The following PDCD1LG2 variants were observed in gnomAD, a reference collection of about 807,000 sequenced individuals.
The protein encoded by PDCD1LG2 is programmed cell death 1 ligand 2.
PDCD1LG2 carries 32 observed loss-of-function variants against 28.2 expected under a neutral mutation model. That is an observed-to-expected ratio of 1.13 (90% CI 0.86 to 1.52). The LOEUF (loss-of-function observed/expected upper bound fraction) is 1.52. Ranked by LOEUF, PDCD1LG2 falls within the 40% of genes most tolerant of loss-of-function variation. The pLI, the probability that PDCD1LG2 is intolerant of heterozygous loss-of-function variation, is 0.00. For missense variants in PDCD1LG2, 385 were observed against 323.8 expected (o/e 1.19, Z -1.45); for synonymous variants, 116 against 120.2 (o/e 0.97, Z 0.23).
intron 3 of PDCD1LG2, among the ~76,000 whole-genome samples, chr9:5,536,563 C>T (rs962012083): frequency 6.6e-6 from 1 of 152,174 alleles, no homozygotes; most frequent in African/African-American, 2.4e-5. Flanking sequence ...TATCTGCAAC[C>T]CTAAATCACC....
intron 3 of PDCD1LG2, among the ~76,000 whole-genome samples, chr9:5,537,897 A>C (rs1795318539): frequency 1.3e-5 from 2 of 152,246 alleles, no homozygotes; most frequent in African/African-American, 4.8e-5. Context: ...TTAGATCTTA[A>C]TGCAGAACAC....
At chr9:5,529,896 A>G (rs1820449349) in intron 2 of PDCD1LG2, among the ~76,000 whole-genome samples, 1 of 152,234 alleles carries the variant, frequency 6.6e-6, no homozygotes, top group Admixed American at 6.5e-5. Flanking sequence ...TGAGCAGAGC[A>G]TGAGTCAGGT....
At position 5,516,753 on chromosome 9, in the gene PDCD1LG2, C is replaced by T. The variant is rs573485087; in HGVS notation, c.-14-5780C>T. Among the ~76,000 whole-genome samples the T allele has an allele frequency of 5.1e-4, 78 of 152,370 alleles. 1 individual carries two copies. Among genetic ancestry groups the T allele is most frequent in the Non-Finnish European group, 8.5e-4 (58 of 68,036 alleles). ...AGTACCATCCTGAGCACCCACATGC[C>T]TGGCCGGGTTGTGACAGCACCTAGG... On this transcript the variant is annotated intron_variant, in intron 1 of 6. Coordinates refer to ENST00000397747, the MANE Select transcript of PDCD1LG2 (RefSeq NM_025239.4).
At chr9:5,546,052 G>A (rs1312097873) in intron 3 of PDCD1LG2, among the ~76,000 whole-genome samples, 1 of 152,104 alleles carries the variant, frequency 6.6e-6, no homozygotes, top group African/African-American at 2.4e-5. Context: ...AGAGGCTGTG[G>A]AGACATTTCT....
chr9:5,530,433 T>C (rs1180554726), intron 2 of PDCD1LG2, among the ~76,000 whole-genome samples: 2 of 150,228 alleles, frequency 1.3e-5, no homozygotes, highest in Non-Finnish European at 2.9e-5. Context: ...CCATGTGGCA[T>C]GTAAAGTAGA....
At chr9:5,559,104 G>C (rs754739075) in intron 5 of PDCD1LG2, among the ~76,000 whole-genome samples, 1 of 152,154 alleles carries the variant, frequency 6.6e-6, no homozygotes. Flanking sequence ...CGTTCCAGCT[G>C]TCTTTGGGAG....
At chr9:5,548,350 G>A (rs1020467865) in intron 3 of PDCD1LG2, among the ~76,000 whole-genome samples, 4 of 152,194 alleles carry the variant, frequency 2.6e-5, no homozygotes, top group African/African-American at 9.7e-5. Context: ...TCTAAGGGCT[G>A]TAAGTATTCC....
intron 6 of PDCD1LG2, among the ~76,000 whole-genome samples, chr9:5,563,887 G>A (rs1380162575): frequency 6.6e-6 from 1 of 152,198 alleles, no homozygotes; most frequent in Non-Finnish European, 1.5e-5. Flanking sequence ...TCAACTGATT[G>A]AATGAAGCCA....
Position 5,549,388 on chromosome 9 carries a change from G to A in PDCD1LG2, c.415G>A (p.Val139Ile), listed in dbSNP as rs2129874493. 6.2e-7 allele frequency: 1 copy of A among 1,614,092 alleles called. No homozygotes were observed. The highest frequency in any genetic ancestry group is 1.7e-5 in the Admixed American group (1 of 60,028). ...HILKVPETDE[V>I]ELTCQATGYP... ...CCTAAAGGTTCCAGAAACAGATGAG[G>A]TAGAGCTCACCTGCCAGGCTACAGG... The change falls in exon 4 of 7, where the codon GTA becomes ATA. Residue 139 changes from valine to isoleucine, a missense_variant. By Grantham distance (29) the Val-to-Ile change is conservative. Transcript: ENST00000397747.
At chr9:5,559,342 T>G (rs895723494) in intron 5 of PDCD1LG2, among the ~76,000 whole-genome samples, 1 of 152,262 alleles carries the variant, frequency 6.6e-6, no homozygotes, top group African/African-American at 2.4e-5. Flanking sequence ...TGGTTGCCTA[T>G]ATAACCCTTG....
chr9:5,559,110 G>C (rs185659197), intron 5 of PDCD1LG2, among the ~76,000 whole-genome samples: 40 of 152,246 alleles, frequency 2.6e-4, no homozygotes, highest in Non-Finnish European at 5.6e-4. Flanking sequence ...AGCTGTCTTT[G>C]GGAGAATGGA....
rs147419494 is a variant in PDCD1LG2, at chr9:5,534,432, G to T, written c.56-313G>T. Reference sequence around the variant, plus strand: ...CTTGGGGGGTCAGGGACTGGAGGTGGGAGAGGCCTCTGAGAGCAAGCAGTG... The same window carrying T: ...CTTGGGGGGTCAGGGACTGGAGGTGTGAGAGGCCTCTGAGAGCAAGCAGTG... On this transcript the variant is annotated intron_variant, in intron 2 of 6. Transcript: ENST00000397747. Among the ~76,000 whole-genome samples, 384 of 152,286 alleles carry T rather than the reference G, an allele frequency of 2.5e-3. 3 individuals are homozygous for T. The highest frequency in any genetic ancestry group is 8.8e-3 in the African/African-American group (365 of 41,548).
At chr9:5,543,277 C>G (rs1820722392) in intron 3 of PDCD1LG2, among the ~76,000 whole-genome samples, 1 of 152,110 alleles carries the variant, frequency 6.6e-6, no homozygotes. Flanking sequence ...TGGTTGCTCA[C>G]ACCTGTAATC....
At chr9:5,537,241 C>CT (rs1820597426) in intron 3 of PDCD1LG2, among the ~76,000 whole-genome samples, 1 of 152,082 alleles carries the variant, frequency 6.6e-6, no homozygotes, top group African/African-American at 2.4e-5. Flanking sequence ...ATTCCTTAGC[C>CT]TTTATAAGCT....
At chr9:5,540,252 T>G (rs150153913) in intron 3 of PDCD1LG2, among the ~76,000 whole-genome samples, 1 of 152,146 alleles carries the variant, frequency 6.6e-6, no homozygotes, top group Admixed American at 6.6e-5. Context: ...AGAGAAACAT[T>G]CATAGCATTA....
chr9:5,524,820 A>G (rs1341336870), intron 2 of PDCD1LG2, among the ~76,000 whole-genome samples: 2 of 152,198 alleles, frequency 1.3e-5, no homozygotes, highest in South Asian at 2.1e-4. Flanking sequence ...TTAAAAATAC[A>G]AGAAATTTCT....
chr9:5,546,555 G>A (rs1816210342), intron 3 of PDCD1LG2, among the ~76,000 whole-genome samples: 1 of 152,182 alleles, frequency 6.6e-6, no homozygotes, highest in Non-Finnish European at 1.5e-5. Flanking sequence ...AAGTCCTTCA[G>A]TAGGCTGCTT....
intron 2 of PDCD1LG2, among the ~76,000 whole-genome samples, chr9:5,526,519 C>G (rs1440744597): frequency 6.6e-6 from 1 of 152,186 alleles, no homozygotes; most frequent in Non-Finnish European, 1.5e-5. Context: ...CTCACTGCAG[C>G]CTCCAACTCC....
chr9:5,545,178 G>A (rs1475508097), intron 3 of PDCD1LG2, among the ~76,000 whole-genome samples: 6 of 152,344 alleles, frequency 3.9e-5, no homozygotes, highest in African/African-American at 1.2e-4. Flanking sequence ...CCTTGTTAAG[G>A]ATAAGTATTG....
Sources: gnomAD v4.1 joint callset for allele counts (sites outside exome capture counted in the v4.1 genomes callset) on GRCh38, gnomAD v4.1.1 for gene constraint, MANE v1.5 for transcripts, NCBI Gene and HGNC (gene_info 2026-07-23, HGNC 2026-07-21) for gene names.